VEPH1: variants seen among roughly 807,000 people sequenced by gnomAD.
VEPH1 encodes ventricular zone-expressed PH domain-containing protein homolog 1.
In VEPH1, 80 loss-of-function variants were observed where a neutral mutation model predicts 85.2. The ratio of observed to expected loss-of-function variants is 0.94; its 90% CI spans 0.78 to 1.13. The LOEUF is 1.13. VEPH1 is among the 50% of genes most tolerant of loss of function. The probability of loss-of-function intolerance (pLI) is 0.00; values close to 1 mark genes in which losing one functional copy is unlikely to be tolerated. For synonymous variants in VEPH1, 297 were observed against 348.0 expected (o/e 0.85, Z 1.63); for missense variants, 955 against 980.5 (o/e 0.97, Z 0.35).
rs777141267 is a variant in VEPH1, at chr3:157,381,374, C to T, written c.909G>A (p.Glu303=). 3.7e-6 allele frequency: 6 copies of T among 1,614,046 alleles called. No homozygotes were observed. The highest frequency in any genetic ancestry group is 5.1e-6 in the Non-Finnish European group (6 of 1,179,972). The change falls in exon 7 of 14, where the codon GAG becomes GAA. Residue 303 remains glutamate, a splice_region_variant and synonymous_variant. Transcript: ENST00000362010. ...GGTATGTCAGGCAGCTCCTGGCTCT[C>T]TCCTACCAAAAACAATGAAGAAAAT... ...IYGAVGHVDE[E]RARSCLTYLV...
intron 2 of VEPH1, among the ~76,000 whole-genome samples, chr3:157,478,958 G>A (rs780298392): frequency 1.8e-4 from 28 of 151,958 alleles, no homozygotes; most frequent in Non-Finnish European, 2.9e-4. Flanking sequence ...TCTCCAAAAT[G>A]AGATTTCCTC....
rs542203168 is a variant in VEPH1, at chr3:157,343,065, A to G, written c.1735+20299T>C. The stretch of plus-strand genomic sequence containing the variant: ...AAATTTACAGCACGAAATGCCCACA[A>G]GAGAAAGCAGGAAAGATCTAAAATT... On this transcript the variant is annotated intron_variant, in intron 9 of 13. Transcript: ENST00000362010. Among the ~76,000 whole-genome samples the G allele has an allele frequency of 4.6e-5, 7 of 152,350 alleles. No individual in the cohort carries two copies. The South Asian group carries it at 1.4e-3, about 32-fold the overall frequency.
chr3:157,312,117 T>C (rs1395118639), intron 11 of VEPH1, among the ~76,000 whole-genome samples: 1 of 152,204 alleles, frequency 6.6e-6, no homozygotes, highest in African/African-American at 2.4e-5. Context: ...TGCTACTCAT[T>C]TGTATTATGA....
rs556023409 is a variant in VEPH1 at position 157,365,358 on chromosome 3, A to T, written c.1128-846T>A. 7.2e-5 allele frequency among the ~76,000 whole-genome samples: 11 copies of T among 152,324 alleles called. No individual in the cohort carries two copies. The South Asian group carries it at 2.3e-3, about 32-fold the overall frequency. On this transcript the variant is annotated intron_variant, in intron 7 of 13. Transcript: ENST00000362010. ...ATCCATTTTTATAACGTATGGTGTT[A>T]GTATTAATTCTTTTCTTAAAAAACA...
intron 7 of VEPH1, among the ~76,000 whole-genome samples, chr3:157,369,947 T>A (rs574951441): frequency 1.3e-5 from 2 of 152,286 alleles, no homozygotes; most frequent in East Asian, 3.9e-4. Context: ...TGGATTGGGC[T>A]CACTTAGGGG....
At chr3:157,449,333 T>C (rs77634675) in intron 4 of VEPH1, among the ~76,000 whole-genome samples, 2,082 of 152,274 alleles carry the variant, frequency 0.014, 47 homozygotes, top group African/African-American at 0.044. Flanking sequence ...AGAAGAGACT[T>C]AGATTTGTTT....
chr3:157,476,273 T>C (rs1737468619), intron 2 of VEPH1, among the ~76,000 whole-genome samples: 1 of 152,206 alleles, frequency 6.6e-6, no homozygotes, highest in African/African-American at 2.4e-5. Context: ...CATTAGACCT[T>C]TTCCACCCTG....
chr3:157,299,900 A>T (rs1328026398), intron 11 of VEPH1, among the ~76,000 whole-genome samples: 1 of 152,190 alleles, frequency 6.6e-6, no homozygotes, highest in African/African-American at 2.4e-5. Flanking sequence ...CTCTTACTAT[A>T]TGGCAATCAC....
At chr3:157,499,774 G>A (rs118038158) in intron 1 of VEPH1, 1,637 of 152,454 alleles carry the variant, frequency 0.011, 28 homozygotes, top group East Asian at 0.067. Flanking sequence ...GGGCGGGGGC[G>A]AGCCACGCAG....
intron 7 of VEPH1, among the ~76,000 whole-genome samples, chr3:157,380,478 C>T (rs1191384595): frequency 6.6e-6 from 1 of 152,176 alleles, no homozygotes; most frequent in Non-Finnish European, 1.5e-5. Context: ...GTAACATAAC[C>T]CTAGTCATAC....
chr3:157,357,752 C>T (rs1725606183), intron 9 of VEPH1, among the ~76,000 whole-genome samples: 1 of 152,196 alleles, frequency 6.6e-6, no homozygotes, highest in Non-Finnish European at 1.5e-5. Context: ...CTTGGCCTCC[C>T]AAAGTGTTGG....
At chr3:157,448,833 T>G (rs1014820524) in intron 4 of VEPH1, among the ~76,000 whole-genome samples, 5 of 152,204 alleles carry the variant, frequency 3.3e-5, no homozygotes, top group African/African-American at 1.2e-4. Flanking sequence ...CCAAATCTCA[T>G]CTTGAATTGT....
rs777316894 is a variant in VEPH1, at chr3:157,437,839, C to T, written c.530-9351G>A. On this transcript the variant is annotated intron_variant, in intron 4 of 13. Transcript: ENST00000362010. ...GGCGGGGCGCGCCCTGGCCGCGGTGCTAGAGGAGCTGCGGCAGACGCGAGC... is the reference window on the plus strand; with the variant it reads ...GGCGGGGCGCGCCCTGGCCGCGGTGTTAGAGGAGCTGCGGCAGACGCGAGC... 1.4e-5 allele frequency: 21 copies of T among 1,495,578 alleles called. No individual in the cohort carries two copies. In the South Asian group the frequency reaches 2.5e-4, roughly 18 times the overall value. 92.6% of individuals were successfully genotyped at this position (1,495,578 alleles called of 1,614,324 possible).
chr3:157,347,230 T>C (rs1486186216), intron 9 of VEPH1, among the ~76,000 whole-genome samples: 1 of 151,844 alleles, frequency 6.6e-6, no homozygotes, highest in Non-Finnish European at 1.5e-5. Context: ...TACCTGTAAA[T>C]ATGAACTAAT....
At chr3:157,267,107 T>C (rs1713779318) in intron 12 of VEPH1, among the ~76,000 whole-genome samples, 1 of 148,242 alleles carries the variant, frequency 6.7e-6, no homozygotes, top group African/African-American at 2.5e-5. Flanking sequence ...TTTTTCTTTT[T>C]TTTTTTTTTT....
intron 9 of VEPH1, among the ~76,000 whole-genome samples, chr3:157,329,635 T>TTAATTAATTAATTA (rs1349960852): frequency 2.0e-5 from 3 of 151,964 alleles, no homozygotes; most frequent in African/African-American, 7.2e-5. Context: ...TTTTTTTTAC[T>TTAATTAATTAATTA]ATTTCTGATT....
intron 9 of VEPH1, among the ~76,000 whole-genome samples, chr3:157,354,887 C>CCACATTGCA (rs1188063727): frequency 1.3e-5 from 2 of 152,128 alleles, no homozygotes; most frequent in Admixed American, 6.5e-5. Flanking sequence ...AGACTAATCT[C>CCACATTGCA]CACATTGCAG....
intron 6 of VEPH1, among the ~76,000 whole-genome samples, chr3:157,412,356 T>A (rs1414408074): frequency 6.6e-6 from 1 of 152,172 alleles, no homozygotes; most frequent in Non-Finnish European, 1.5e-5. Flanking sequence ...ACAGATTACA[T>A]CTTCCATGGG....
intron 11 of VEPH1, among the ~76,000 whole-genome samples, chr3:157,287,626 G>A (rs1239588769): frequency 6.6e-6 from 1 of 151,958 alleles, no homozygotes; most frequent in South Asian, 2.1e-4. Context: ...GTGCAGTGGT[G>A]TGATCTTGGC....
Sources: gnomAD v4.1 joint callset for allele counts (sites outside exome capture counted in the v4.1 genomes callset) on GRCh38, gnomAD v4.1.1 for gene constraint, MANE v1.5 for transcripts, NCBI Gene and HGNC (gene_info 2026-07-23, HGNC 2026-07-21) for gene names.